Variants in KAT14 observed in about 807,000 individuals in gnomAD.
The protein encoded by KAT14 is cysteine-rich protein 2-binding protein.
A neutral mutation model predicts 78.4 loss-of-function variants in KAT14; 66 were observed. That is an observed-to-expected ratio of 0.84 (90% confidence interval 0.69 to 1.03). The LOEUF (loss-of-function observed/expected upper bound fraction) is 1.03, where lower values mean the gene tolerates loss of function less well. Ranked by LOEUF, KAT14 falls within the 50% of genes least tolerant of loss-of-function variation. The pLI is 0.00. For missense variants in KAT14, 870 were observed against 972.5 expected (o/e 0.89, Z 1.40); for synonymous variants, 344 against 359.4 (o/e 0.96, Z 0.48).
chr20:18,174,730 C>G (rs1433193063), intron 7 of KAT14, among the ~76,000 whole-genome samples: 1 of 148,642 alleles, frequency 6.7e-6, no homozygotes, highest in Non-Finnish European at 1.5e-5. Context: ...GTGATGCGAT[C>G]TCGGCTCACT....
chr20:18,170,151 C>G (rs1207437195), intron 7 of KAT14, among the ~76,000 whole-genome samples: 1 of 152,210 alleles, frequency 6.6e-6, no homozygotes, highest in Non-Finnish European at 1.5e-5. Context: ...GTAGAAGCAG[C>G]AACACGTTAT....
At chr20:18,140,450 C>A (rs572581199) in intron 1 of KAT14, among the ~76,000 whole-genome samples, 36 of 152,030 alleles carry the variant, frequency 2.4e-4, no homozygotes, top group South Asian at 4.2e-4. Context: ...TTGGAAAAAA[C>A]CCCACAAACA....
At chr20:18,155,875 A>T (rs1159792073) in intron 4 of KAT14, among the ~76,000 whole-genome samples, 1 of 152,120 alleles carries the variant, frequency 6.6e-6, no homozygotes, top group Non-Finnish European at 1.5e-5. Flanking sequence ...TGATCTGGCA[A>T]TTTCACTTCT....
At chr20:18,137,524 G>A (rs1213037036), upstream of KAT14, among the ~76,000 whole-genome samples, 1 of 152,216 alleles carries the variant, frequency 6.6e-6, no homozygotes, top group African/African-American at 2.4e-5. Context: ...ATTGGGCGAA[G>A]CTTCTGGATC....
intron 1 of KAT14, among the ~76,000 whole-genome samples, chr20:18,139,654 GTGTGTGTGTGTGTGTGTGTGTT>G (rs1373456134): frequency 4.1e-5 from 6 of 145,034 alleles, no homozygotes; most frequent in Non-Finnish European, 7.6e-5. Flanking sequence ...GTGTGTGTGT[GTGTGTGTGTGTGTGTGTGTGTT>G]TATTTTTTTT....
chr20:18,181,512 G>T (rs953360984), intron 7 of KAT14, among the ~76,000 whole-genome samples, 198 bp from the exon 8 acceptor site: 18 of 151,996 alleles, frequency 1.2e-4, no homozygotes, highest in African/African-American at 4.3e-4. Context: ...GGGACTACAG[G>T]CGCACCTGCC....
At chr20:18,138,467 T>C in intron 1 of KAT14, 1 of 990,380 alleles carries the variant, frequency 1.0e-6, no homozygotes, top group Non-Finnish European at 1.2e-6. Context: ...TTTCTTGGGG[T>C]GCATTCTGCA....
At chr20:18,170,199 A>G (rs1017238765) in intron 7 of KAT14, among the ~76,000 whole-genome samples, 3 of 152,242 alleles carry the variant, frequency 2.0e-5, no homozygotes, top group African/African-American at 7.2e-5. Context: ...GGAAGTGGCT[A>G]CACTAAGCAA....
At chr20:18,181,364 CTTTTTT>C (rs762890490) in intron 7 of KAT14, among the ~76,000 whole-genome samples, 5 of 106,802 alleles carry the variant, frequency 4.7e-5, no homozygotes, top group Non-Finnish European at 7.4e-5. Context: ...AATTTTGTTT[CTTTTTT>C]TTTTTTTTTT....
chr20:18,151,372 T>G (rs1412116361), intron 4 of KAT14, among the ~76,000 whole-genome samples: 1 of 151,968 alleles, frequency 6.6e-6, no homozygotes, highest in Non-Finnish European at 1.5e-5. Flanking sequence ...AATTTTTGTA[T>G]TTTTAGTAGA....
At chr20:18,180,548 C>T (rs930550209) in intron 7 of KAT14, among the ~76,000 whole-genome samples, 8 of 152,156 alleles carry the variant, frequency 5.3e-5, no homozygotes, top group African/African-American at 1.4e-4. Flanking sequence ...AGCAACACCC[C>T]ACTCCTGGTA....
At chr20:18,158,215 C>T (rs2038290928) in intron 4 of KAT14, among the ~76,000 whole-genome samples, 1 of 152,210 alleles carries the variant, frequency 6.6e-6, no homozygotes, top group African/African-American at 2.4e-5. Flanking sequence ...GAATTACAGG[C>T]GTGAGCCACC....
rs774073904 is a variant in KAT14, at chr20:18,187,483, C to A, written c.*24C>A. On this transcript the variant is annotated 3_prime_UTR_variant, in exon 11 of 11. Coordinates refer to ENST00000688188, the MANE Select transcript of KAT14 (RefSeq NM_001392073.1). ...GATGCGAATACAGCTCACAGAGAAACGCATGTGCTATTGGAGAACAGGTCT... is the reference window on the plus strand; with the variant it reads ...GATGCGAATACAGCTCACAGAGAAAAGCATGTGCTATTGGAGAACAGGTCT... The A allele has an allele frequency of 1.2e-6, 2 of 1,613,012 alleles. No homozygotes were observed. Among genetic ancestry groups the A allele is most frequent in the Non-Finnish European group, 1.7e-6 (2 of 1,179,688 alleles).
chr20:18,165,642 AC>A (rs1600229677), intron 7 of KAT14, among the ~76,000 whole-genome samples: 1 of 152,156 alleles, frequency 6.6e-6, no homozygotes. Flanking sequence ...ACTAATACTT[AC>A]AGTGATGTTC....
At chr20:18,168,644 T>C (rs1008406216) in intron 7 of KAT14, among the ~76,000 whole-genome samples, 1 of 152,216 alleles carries the variant, frequency 6.6e-6, no homozygotes, top group African/African-American at 2.4e-5. Context: ...TAGTGCATGT[T>C]AAGTGTCTTT....
chr20:18,170,660 G>C (rs1313212769), intron 7 of KAT14, among the ~76,000 whole-genome samples: 1 of 152,170 alleles, frequency 6.6e-6, no homozygotes, highest in Non-Finnish European at 1.5e-5. Flanking sequence ...TCAGCCTCCT[G>C]AGTAGCTGGG....
intron 4 of KAT14, 84 bp from the exon 5 acceptor site, chr20:18,159,000 G>A: frequency 1.4e-6 from 2 of 1,455,248 alleles, no homozygotes; most frequent in Non-Finnish European, 1.8e-6. Context: ...CATGTTGCAG[G>A]CCAGGAGTCA....
At position 18,162,503 on chromosome 20, in the gene KAT14, T is replaced by TAA; in HGVS notation, c.1228_1229dup (p.Gln411SerfsTer4). 1 of 1,613,982 alleles carries TAA rather than the reference T, an allele frequency of 6.2e-7. No homozygotes were observed. On this transcript the variant is annotated frameshift_variant, in exon 7 of 11. Transcript: ENST00000688188. LOFTEE classifies it high-confidence loss of function. ...AAGAAGGTCAGAGGCCCTGAACAGA[T>TAA]AAAGCAGGAGGTAGAGAGTGAGGAG...
chr20:18,179,083 T>G (rs565675764), intron 7 of KAT14, among the ~76,000 whole-genome samples: 1 of 152,222 alleles, frequency 6.6e-6, no homozygotes, highest in Admixed American at 6.5e-5. Context: ...CTCCTTTGAC[T>G]CCTTATCTTA....
Sources: gnomAD v4.1 joint callset for allele counts (sites outside exome capture counted in the v4.1 genomes callset) on GRCh38, gnomAD v4.1.1 for gene constraint, MANE v1.5 for transcripts, NCBI Gene and HGNC (gene_info 2026-07-23, HGNC 2026-07-21) for gene names.